ZNF408: variants seen among roughly 807,000 people sequenced by gnomAD.
ZNF408 encodes PR domain zinc finger protein 17.
In ZNF408, 24 loss-of-function variants were observed where a neutral mutation model predicts 27.6. The ratio of observed to expected loss-of-function variants is 0.87; its 90% CI spans 0.63 to 1.22. ZNF408 has a LOEUF of 1.22. Ranked by LOEUF, ZNF408 falls within the 50% of genes most tolerant of loss-of-function variation. The probability of loss-of-function intolerance (pLI) is 0.00; values close to 1 mark genes in which losing one functional copy is unlikely to be tolerated. For synonymous variants in ZNF408, 410 were observed against 396.1 expected, an observed-to-expected ratio of 1.04 and a Z score of -0.42; for missense variants, 897 against 949.0, an observed-to-expected ratio of 0.95 and a Z score of 0.72.
rs1385432778 is a variant in ZNF408 at position 46,704,828 on chromosome 11, G to T, written c.1128G>T (p.Thr376=). 1.2e-6 allele frequency: 2 copies of T among 1,600,090 alleles called. No individual in the cohort carries two copies. Among genetic ancestry groups the T allele is most frequent in the Non-Finnish European group, 1.7e-6 (2 of 1,172,726 alleles). ...CHLKKHAFVH[T]GHKPFLCTEC... ...TAAAGAAGCACGCATTTGTGCACAC[G>T]GGCCACAAGCCCTTTCTTTGCACTG... The change falls in exon 5 of 5, where the codon ACG becomes ACT. Residue 376 remains threonine (T), a synonymous_variant. Coordinates refer to ENST00000311764, the MANE Select transcript of ZNF408 (RefSeq NM_024741.3).
chr11:46,703,423 T>C (rs936492578), intron 4 of ZNF408, among the ~76,000 whole-genome samples, 180 bp downstream of exon 4: 7 of 152,182 alleles, frequency 4.6e-5, no homozygotes, highest in Non-Finnish European at 1.0e-4. Flanking sequence ...GGGGCTTGAT[T>C]AGTATTGGGT....
chr11:46,703,743 T>G (rs2064727933), intron 4 of ZNF408, among the ~76,000 whole-genome samples: 2 of 120,534 alleles, frequency 1.7e-5, no homozygotes, highest in Non-Finnish European at 3.5e-5. Flanking sequence ...TTTGTTTTGT[T>G]TTGTTGTTGT....
chr11:46,705,718 T>A lies in ZNF408; in HGVS notation c.2018T>A (p.Val673Asp). 1 of 1,613,190 alleles carries A rather than the reference T, an allele frequency of 6.2e-7. No homozygotes were observed. Among genetic ancestry groups the A allele is most frequent in the Non-Finnish European group, 8.5e-7 (1 of 1,179,656 alleles). ...REEEVSPARD[V>D]VEVTISESQE... ...GAGGAAGTCTCCCCCGCCAGGGATG[T>A]TGTTGAGGTCACCATTTCAGAAAGC... is the stretch of plus-strand genomic sequence containing the variant. The change falls in exon 5 of 5, where the codon GTT becomes GAT. Residue 673 changes from valine (V) to aspartate (D), a missense_variant. Physicochemically the swap from Val to Asp is radical, Grantham distance 152. Coordinates refer to ENST00000311764, the MANE Select transcript of ZNF408 (RefSeq NM_024741.3). The surrounding 1 kb of genome is among the most constrained non-coding windows in gnomAD (Gnocchi z 6.5).
At chr11:46,702,579 A>G in intron 2 of ZNF408, 125 bp from the exon 3 acceptor site, 3 of 931,374 alleles carry the variant, frequency 3.2e-6, no homozygotes, top group Non-Finnish European at 5.0e-6. Flanking sequence ...GGAGAACCAG[A>G]GGCTTCTAAC....
In ZNF408 at chr11:46,703,162, G is replaced by C. The variant is rs766652513; in HGVS notation, c.571G>C (p.Val191Leu). Residue 191 changes from valine (V) to leucine (L), a missense_variant, in exon 4 of 5, where the codon GTA (valine) becomes CTA (leucine). By Grantham distance (32) the Val-to-Leu change is conservative. Coordinates refer to ENST00000311764, the MANE Select transcript of ZNF408 (RefSeq NM_024741.3). Reference sequence around the variant, plus strand: ...GCCTGGGCTGGACAAAGAGGCAGCTGTAGCAGTGGTGACAGAAGTGGAGTC... The same window carrying C: ...GCCTGGGCTGGACAAAGAGGCAGCTCTAGCAGTGGTGACAGAAGTGGAGTC... ...TQPGLDKEAA[V>L]AVVTEVESAV... 1 of 1,610,342 alleles carries C rather than the reference G, an allele frequency of 6.2e-7. No individual in the cohort carries two copies. Among genetic ancestry groups the C allele is most frequent in the South Asian group, 1.1e-5 (1 of 90,668 alleles).
intron 2 of ZNF408, among the ~76,000 whole-genome samples, chr11:46,702,486 C>T (rs979691438): frequency 6.6e-6 from 1 of 152,188 alleles, no homozygotes; most frequent in Admixed American, 6.5e-5. Flanking sequence ...TTTAGTAATT[C>T]TCCATACCCT....
In ZNF408 at chr11:46,705,782, C is replaced by T. The variant is rs762136446; in HGVS notation, c.2082C>T (p.Ala694=). Residue 694 remains alanine, a synonymous_variant, in exon 5 of 5, where the codon GCC becomes GCT. Transcript: ENST00000311764. The surrounding 1 kb of genome is among the most constrained non-coding windows in gnomAD (Gnocchi z 6.5). ...TTGTGGTGCCAGAGGAGCCAGATGC[C>T]GCCCCCAGCCTGGTGCTAATCCATA... ...KCFVVPEEPD[A]APSLVLIHKD... The T allele has an allele frequency of 1.1e-5, 18 of 1,610,608 alleles. No individual in the cohort carries two copies. Among genetic ancestry groups the T allele is most frequent in the Admixed American group, 1.7e-5 (1 of 59,322 alleles).
Position 46,705,259 on chromosome 11 carries a change from G to A in ZNF408, c.1559G>A (p.Gly520Glu), listed in dbSNP as rs745884462. The change falls in exon 5 of 5, where the codon GGG becomes GAG. Residue 520 changes from glycine (G) to glutamate (E), a missense_variant. Physicochemically the swap from Gly to Glu is moderately conservative, Grantham distance 98. Transcript: ENST00000311764. This position sits in a 1 kb window ranked among gnomAD's most constrained non-coding sequence, Gnocchi z 6.5. ...NLRGHLRLHT[G>E]ERPYRCPHCA... ...CGTGGGCATTTGCGGCTCCACACCG[G>A]GGAGCGTCCTTACCGCTGCCCACAC... 3 of 1,612,036 alleles carry A rather than the reference G, an allele frequency of 1.9e-6. No individual in the cohort carries two copies. In the Admixed American group the frequency reaches 5.0e-5, roughly 27 times the overall value.
intron 1 of ZNF408, 82 bp downstream of exon 1, chr11:46,701,181 T>G (rs4752928): frequency 6.2e-7 from 1 of 1,609,896 alleles, no homozygotes; most frequent in South Asian, 1.1e-5. Flanking sequence ...TCCTCAGTCT[T>G]CTCTCCTCCG....
At chr11:46,701,349 C>T (rs2064702769) in intron 1 of ZNF408, 50 bp from the exon 2 acceptor site, 6 of 1,597,128 alleles carry the variant, frequency 3.8e-6, no homozygotes, top group Non-Finnish European at 5.1e-6. Flanking sequence ...CTTTTCCCCA[C>T]CTCCCACCTT....
At chr11:46,702,157 C>T (rs1252661380) in intron 2 of ZNF408, among the ~76,000 whole-genome samples, 5 of 152,190 alleles carry the variant, frequency 3.3e-5, no homozygotes, top group Non-Finnish European at 5.9e-5. Context: ...TGCAGTGGCA[C>T]GATCTCGCCT....
At position 46,705,857 on chromosome 11, in the gene ZNF408, C is replaced by T; in HGVS notation, c.2157C>T (p.Gly719=). Reference sequence around the variant, plus strand: ...CAGAGGTGGTGGAGGTGGAGATGGGCACCTGACAGCTTTGCCTTTTGCTGA... The same window carrying T: ...CAGAGGTGGTGGAGGTGGAGATGGGTACCTGACAGCTTTGCCTTTTGCTGA... The part of the protein sequence containing the change: ...AWAEVVEVEM[G]T The change falls in exon 5 of 5, where the codon GGC becomes GGT. Residue 719 remains glycine (G), a synonymous_variant. Coordinates refer to ENST00000311764, the MANE Select transcript of ZNF408 (RefSeq NM_024741.3). The surrounding 1 kb of genome is among the most constrained non-coding windows in gnomAD (Gnocchi z 6.5). The T allele has an allele frequency of 6.2e-7, 1 of 1,610,152 alleles. No individual in the cohort carries two copies. The highest frequency in any genetic ancestry group is 8.5e-7 in the Non-Finnish European group (1 of 1,178,194).
rs756971532 is a variant in ZNF408 at position 46,705,154 on chromosome 11, A to G, written c.1454A>G (p.Asn485Ser). Residue 485 changes from asparagine to serine, a missense_variant, in exon 5 of 5, where the codon AAC (asparagine) becomes AGC (serine). Transcript: ENST00000311764. This position sits in a 1 kb window ranked among gnomAD's most constrained non-coding sequence, Gnocchi z 6.5. ...RPLANQGSLRNHMRLHTGEKP... is the reference protein window; with the variant it reads ...RPLANQGSLRSHMRLHTGEKP... ...CTGGCCAACCAGGGCTCCCTGCGGAACCATATGAGGCTCCATACAGGAGAA... is the reference window on the plus strand; with the variant it reads ...CTGGCCAACCAGGGCTCCCTGCGGAGCCATATGAGGCTCCATACAGGAGAA... 1.2e-6 allele frequency: 2 copies of G among 1,611,436 alleles called. No individual in the cohort carries two copies. The highest frequency in any genetic ancestry group is 1.7e-6 in the Non-Finnish European group (2 of 1,179,920).
rs1189340821 is a variant in ZNF408, at chr11:46,705,683, A to G, written c.1983A>G (p.Thr661=). The change falls in exon 5 of 5, where the codon ACA becomes ACG. Residue 661 remains threonine, a synonymous_variant. Transcript: ENST00000311764. The surrounding 1 kb of genome is among the most constrained non-coding windows in gnomAD (Gnocchi z 6.5). ...AGGCTGAGCCACAACTGCTGGACAC[A>G]CACAGAGAGGAGGAAGTCTCCCCCG... is the stretch of plus-strand genomic sequence containing the variant. ...LLQAEPQLLD[T]HREEEVSPAR... is the part of the protein sequence containing the mutation. 1 of 1,613,770 alleles carries G rather than the reference A, an allele frequency of 6.2e-7. No homozygotes were observed. Among genetic ancestry groups the G allele is most frequent in the African/African-American group, 1.3e-5 (1 of 74,942 alleles).
chr11:46,704,713 G>A lies in ZNF408; in HGVS notation c.1013G>A (p.Ser338Asn), dbSNP rs2064737713. 1 of 1,603,026 alleles carries A rather than the reference G, an allele frequency of 6.2e-7. No homozygotes were observed. Among genetic ancestry groups the A allele is most frequent in the African/African-American group, 1.3e-5 (1 of 74,316 alleles). ...QQSGFPTLSR[S>N]PPGPAGSSPK... ...TCTGGCTTCCCTACACTCTCGCGGAGCCCTCCTGGCCCAGCAGGAAGCTCC... is the reference window on the plus strand; with the variant it reads ...TCTGGCTTCCCTACACTCTCGCGGAACCCTCCTGGCCCAGCAGGAAGCTCC... The change falls in exon 5 of 5, where the codon AGC (serine) becomes AAC (asparagine). Residue 338 changes from serine to asparagine, a missense_variant. By Grantham distance (46) the Ser-to-Asn change is conservative. Coordinates refer to ENST00000311764, the MANE Select transcript of ZNF408 (RefSeq NM_024741.3).
chr11:46,704,717 T>A lies in ZNF408; in HGVS notation c.1017T>A (p.Pro339=), dbSNP rs1565695234. The change falls in exon 5 of 5, where the codon CCT becomes CCA. Residue 339 remains proline (P), a synonymous_variant. Transcript: ENST00000311764. ...GCTTCCCTACACTCTCGCGGAGCCC[T>A]CCTGGCCCAGCAGGAAGCTCCCCAA... ...QSGFPTLSRS[P]PGPAGSSPKQ... is the part of the protein sequence containing the mutation. The A allele has an allele frequency of 6.2e-7, 1 of 1,603,870 alleles. No individual in the cohort carries two copies. The highest frequency in any genetic ancestry group is 2.2e-5 in the East Asian group (1 of 44,848).
chr11:46,704,409 C>T lies in ZNF408; in HGVS notation c.709C>T (p.Leu237Phe). 1 of 1,613,480 alleles carries T rather than the reference C, an allele frequency of 6.2e-7. No homozygotes were observed. Residue 237 changes from leucine to phenylalanine, a missense_variant, in exon 5 of 5, where the codon CTT (leucine) becomes TTT (phenylalanine). Physicochemically the swap from Leu to Phe is conservative, Grantham distance 22. Transcript: ENST00000311764. ...GGCAGAGAATATGGTGAGCCCTGGA[C>T]TTAAGTTCCCAACCCAGGACCGAAT... is the stretch of plus-strand genomic sequence containing the variant. Reference protein sequence around the residue: ...IQAENMVSPGLKFPTQDRISK... With the variant: ...IQAENMVSPGFKFPTQDRISK...
At chr11:46,704,266 G>A (rs921147689) in intron 4 of ZNF408, 87 bp from the exon 5 acceptor site, 1 of 1,406,554 alleles carries the variant, frequency 7.1e-7, no homozygotes, top group Non-Finnish European at 9.7e-7. Flanking sequence ...GGGGCTGGGT[G>A]GGAGAAAACA....
At chr11:46,703,764 G>T (rs59557633) in intron 4 of ZNF408, among the ~76,000 whole-genome samples, 23,377 of 75,046 alleles carry the variant, frequency 0.31, 6,805 homozygotes, top group East Asian at 0.73. Context: ...TGTTGTTGTT[G>T]TTGTTGTTTT....
Sources: allele counts gnomAD v4.1 joint callset (sites outside exome capture counted in the v4.1 genomes callset), GRCh38; gene constraint gnomAD v4.1.1; non-coding constraint Gnocchi (gnomAD v3.1); transcripts MANE v1.5; gene names NCBI Gene and HGNC (gene_info 2026-07-23, HGNC 2026-07-21).